Variants in RAD51B observed in about 807,000 individuals in gnomAD.
RAD51B encodes the protein RAD51 paralog B.
A neutral mutation model predicts 42.2 loss-of-function variants in RAD51B; 38 were observed. The ratio of observed to expected loss-of-function variants is 0.90; its 90% CI spans 0.70 to 1.18. The LOEUF is 1.18. Ranked by LOEUF, RAD51B falls within the 50% of genes most tolerant of loss-of-function variation. RAD51B has a pLI of 0.00. For missense variants in RAD51B, 373 were observed against 400.7 expected, an observed-to-expected ratio of 0.93 and a Z score of 0.59; for synonymous variants, 154 against 145.2, an observed-to-expected ratio of 1.06 and a Z score of -0.43.
intron 4 of RAD51B, among the ~76,000 whole-genome samples, chr14:67,850,599 C>A (rs1417815465): frequency 6.6e-6 from 1 of 152,106 alleles, no homozygotes; most frequent in East Asian, 1.9e-4. Flanking sequence ...CTCTGTTGTT[C>A]CAGGTGATAG....
chr14:68,337,687 A>T (rs1956523), intron 8 of RAD51B, among the ~76,000 whole-genome samples: 103,326 of 152,104 alleles, frequency 0.68, 35,325 homozygotes, highest in Non-Finnish European at 0.73. Context: ...GGGGTATTTG[A>T]GTTTTTAAAA....
chr14:68,246,588 G>A (rs1318831086), intron 7 of RAD51B, among the ~76,000 whole-genome samples: 1 of 152,146 alleles, frequency 6.6e-6, no homozygotes, highest in Non-Finnish European at 1.5e-5. Flanking sequence ...CTAGGCAGGA[G>A]TTATCTTCTT....
chr14:68,227,207 A>C (rs1315255079), intron 7 of RAD51B, among the ~76,000 whole-genome samples: 1 of 152,222 alleles, frequency 6.6e-6, no homozygotes, highest in Non-Finnish European at 1.5e-5. Context: ...CTAAGAAGGC[A>C]GTAGGGCACT....
intron 7 of RAD51B, among the ~76,000 whole-genome samples, chr14:68,129,006 A>T (rs754753860): frequency 3.9e-5 from 6 of 152,120 alleles, no homozygotes; most frequent in Non-Finnish European, 8.8e-5. Context: ...CTTTTTTGTC[A>T]TCAAGGGCAC....
At chr14:68,434,499 T>C (rs1163629462) in intron 9 of RAD51B, among the ~76,000 whole-genome samples, 1 of 152,212 alleles carries the variant, frequency 6.6e-6, no homozygotes, top group Non-Finnish European at 1.5e-5. Flanking sequence ...CAGACTGTTG[T>C]GCTAGCAATG....
At chr14:68,085,508 A>G (rs1364556596) in intron 7 of RAD51B, among the ~76,000 whole-genome samples, 1 of 152,160 alleles carries the variant, frequency 6.6e-6, no homozygotes, top group Non-Finnish European at 1.5e-5. Flanking sequence ...TTTGAAAAAG[A>G]AGGGAGTGTT....
intron 10 of RAD51B, among the ~76,000 whole-genome samples, chr14:68,532,854 GA>G (rs1365013383): frequency 6.6e-6 from 1 of 152,042 alleles, no homozygotes; most frequent in Non-Finnish European, 1.5e-5. Context: ...TATAGATGCA[GA>G]AAAAAATTAT....
chr14:68,050,810 A>G (rs1000158704), intron 7 of RAD51B, among the ~76,000 whole-genome samples: 4 of 152,054 alleles, frequency 2.6e-5, no homozygotes, highest in Non-Finnish European at 5.9e-5. Context: ...CATTATATAT[A>G]ATGGTATAAA....
intron 7 of RAD51B, among the ~76,000 whole-genome samples, chr14:68,181,770 G>T (rs1270411400): frequency 1.3e-5 from 2 of 152,180 alleles, no homozygotes; most frequent in African/African-American, 4.8e-5. Context: ...TCCAAAGGTG[G>T]GGGTTTGGAG....
chr14:67,993,071 A>G (rs189962127), intron 7 of RAD51B, among the ~76,000 whole-genome samples: 65 of 152,212 alleles, frequency 4.3e-4, no homozygotes, highest in African/African-American at 1.5e-3. Flanking sequence ...TCCAAGAAAC[A>G]TTTTTTTAAT....
intron 8 of RAD51B, among the ~76,000 whole-genome samples, chr14:68,391,766 A>G (rs1007181854): frequency 7.2e-5 from 11 of 152,174 alleles, no homozygotes; most frequent in African/African-American, 2.7e-4. Flanking sequence ...CTCAGTTCCC[A>G]TGGTGAATGC....
At chr14:68,677,880 C>T (rs2140161116) in intron 11 of RAD51B, among the ~76,000 whole-genome samples, 1 of 152,294 alleles carries the variant, frequency 6.6e-6, no homozygotes, top group Admixed American at 6.5e-5. Context: ...ACACAGAGGT[C>T]TTCTGCAGGC....
chr14:68,248,816 T>G (rs1566758094), intron 7 of RAD51B, among the ~76,000 whole-genome samples: 1 of 152,218 alleles, frequency 6.6e-6, no homozygotes, highest in Non-Finnish European at 1.5e-5. Context: ...GATTTTAATT[T>G]CTCTGCCCCA....
chr14:68,087,874 ATTTATATAATTATATAATATATTATT>A (rs2077012226), intron 7 of RAD51B, among the ~76,000 whole-genome samples: 1 of 81,136 alleles, frequency 1.2e-5, no homozygotes, highest in African/African-American at 6.9e-5. Context: ...ATAATATATT[ATTTATATAATTATATAATATATTATT>A]TATATAATTA....
intron 7 of RAD51B, among the ~76,000 whole-genome samples, chr14:68,019,598 T>A (rs1375900152): frequency 6.6e-6 from 1 of 152,074 alleles, no homozygotes; most frequent in Non-Finnish European, 1.5e-5. Context: ...GGGCTGACAT[T>A]TCATATATGT....
rs143456489 is a variant in RAD51B at position 68,429,884 on chromosome 14, C to T, written c.957+18357C>T. On this transcript the variant is annotated intron_variant, in intron 9 of 10. Coordinates refer to ENST00000471583, the MANE Select transcript of RAD51B (RefSeq NM_133510.4). ...TCTAGGGTTTTTATGGTTTTAGGTCCAACATGTAAGTCTTTAATCCATCTT... is the reference window on the plus strand; with the variant it reads ...TCTAGGGTTTTTATGGTTTTAGGTCTAACATGTAAGTCTTTAATCCATCTT... Among the ~76,000 whole-genome samples the T allele has an allele frequency of 7.4e-3, 1,111 of 150,986 alleles. 7 individuals carry two copies. Among genetic ancestry groups the T allele is most frequent in the African/African-American group, 0.026 (1,050 of 40,438 alleles).
chr14:67,927,124 T>G (rs1381409840), intron 7 of RAD51B, among the ~76,000 whole-genome samples: 1 of 152,240 alleles, frequency 6.6e-6, no homozygotes, highest in Non-Finnish European at 1.5e-5. Context: ...GAATAATTCT[T>G]GAATCTTATT....
chr14:68,398,241 G>T (rs957108950), intron 8 of RAD51B, among the ~76,000 whole-genome samples: 2 of 152,352 alleles, frequency 1.3e-5, no homozygotes, highest in African/African-American at 4.8e-5. Context: ...CGGGAATAAG[G>T]ATTGTATCCA....
At chr14:68,148,266 T>C (rs1191459210) in intron 7 of RAD51B, among the ~76,000 whole-genome samples, 1 of 152,258 alleles carries the variant, frequency 6.6e-6, no homozygotes, top group Non-Finnish European at 1.5e-5. Flanking sequence ...TTTATGGCTA[T>C]TACAAATAAA....
Sources: gnomAD v4.1 joint callset for allele counts (sites outside exome capture counted in the v4.1 genomes callset) on GRCh38, gnomAD v4.1.1 for gene constraint, MANE v1.5 for transcripts, NCBI Gene and HGNC (gene_info 2026-07-23, HGNC 2026-07-21) for gene names.